ZNF385D: variants seen among roughly 807,000 people sequenced by gnomAD.
The protein encoded by ZNF385D is zinc finger protein 385D.
In ZNF385D, 15 loss-of-function variants were observed where a neutral mutation model predicts 35.8. The ratio of observed to expected loss-of-function variants is 0.42; its 90% CI spans 0.28 to 0.64. ZNF385D has a LOEUF of 0.64. Ranked by LOEUF, ZNF385D falls within the 30% of genes least tolerant of loss-of-function variation. The pLI is 0.23. For missense variants in ZNF385D, 474 were observed against 494.6 expected (o/e 0.96, Z 0.39); for synonymous variants, 212 against 186.8 (o/e 1.13, Z -1.10).
intron 1 of ZNF385D, among the ~76,000 whole-genome samples, chr3:21,714,349 A>T (rs1474765564): frequency 6.6e-6 from 1 of 152,106 alleles, no homozygotes; most frequent in Admixed American, 6.5e-5. Flanking sequence ...GAAACCTCCA[A>T]CACCTCTTTC....
At chr3:22,151,149 T>A (rs1016410450) in intron 3 of ZNF385D, among the ~76,000 whole-genome samples, 2 of 152,172 alleles carry the variant, frequency 1.3e-5, no homozygotes, top group Non-Finnish European at 2.9e-5. Flanking sequence ...ACATCACACA[T>A]CATTTCTACT....
intron 3 of ZNF385D, among the ~76,000 whole-genome samples, chr3:21,785,897 A>C (rs1004296265): frequency 1.1e-4 from 16 of 152,200 alleles, no homozygotes; most frequent in African/African-American, 3.9e-4. Context: ...GCAATCACAT[A>C]AACTCAATAC....
chr3:21,961,949 G>T (rs971957216), intron 3 of ZNF385D, among the ~76,000 whole-genome samples: 5 of 152,102 alleles, frequency 3.3e-5, no homozygotes, highest in African/African-American at 1.2e-4. Context: ...ACCGCAAAAA[G>T]AAGTGACATG....
chr3:22,240,127 G>A (rs1245120810), intron 2 of ZNF385D, among the ~76,000 whole-genome samples: 2 of 140,564 alleles, frequency 1.4e-5, no homozygotes, highest in African/African-American at 5.4e-5. Context: ...AGGCTGCAGT[G>A]AGCCATCATC....
At chr3:21,844,317 A>G (rs531430991) in intron 3 of ZNF385D, among the ~76,000 whole-genome samples, 2 of 151,762 alleles carry the variant, frequency 1.3e-5, no homozygotes, top group African/African-American at 4.8e-5. Context: ...AAGGAAATTT[A>G]TCCTCAATTG....
At chr3:22,069,351 A>C (rs1197079572) in intron 3 of ZNF385D, among the ~76,000 whole-genome samples, 1 of 152,190 alleles carries the variant, frequency 6.6e-6, no homozygotes, top group Non-Finnish European at 1.5e-5. Flanking sequence ...GAATAAAACG[A>C]ATATGAGAAG....
chr3:21,923,810 A>G (rs1700592939), intron 3 of ZNF385D, among the ~76,000 whole-genome samples: 1 of 152,190 alleles, frequency 6.6e-6, no homozygotes, highest in Admixed American at 6.5e-5. Context: ...TTGGGTATTC[A>G]TGGACATAAA....
intron 1 of ZNF385D, among the ~76,000 whole-genome samples, chr3:21,692,298 T>C (rs919962337): frequency 6.6e-6 from 1 of 152,174 alleles, no homozygotes; most frequent in Non-Finnish European, 1.5e-5. Context: ...TCTGGCTTTA[T>C]ATTTCTGGCT....
rs141964019 is a variant in ZNF385D, at chr3:22,017,335, T to C, written c.325+151482A>G. Among the ~76,000 whole-genome samples, 618 of 152,170 alleles carry C rather than the reference T, an allele frequency of 4.1e-3. 2 individuals carry two copies. Among genetic ancestry groups the C allele is most frequent in the African/African-American group, 0.014 (587 of 41,554 alleles). On this transcript the variant is annotated intron_variant, in intron 3 of 5. Transcript: ENST00000494108. ...ATTTCTCAAATAAGATTTTATTTTATATTAGCAATGCTATACCACTGTTCT... is the reference window on the plus strand; with the variant it reads ...ATTTCTCAAATAAGATTTTATTTTACATTAGCAATGCTATACCACTGTTCT...
At chr3:21,594,546 G>A (rs894756727) in intron 2 of ZNF385D, among the ~76,000 whole-genome samples, 3 of 152,124 alleles carry the variant, frequency 2.0e-5, no homozygotes, top group East Asian at 1.9e-4. Context: ...GCCCGGAAAG[G>A]TGCACAGATA....
chr3:21,854,619 T>C (rs1184004771), intron 3 of ZNF385D, among the ~76,000 whole-genome samples: 1 of 152,000 alleles, frequency 6.6e-6, no homozygotes, highest in East Asian at 1.9e-4. Context: ...GCTGTACCTG[T>C]AGCAGCATCT....
chr3:21,979,438 G>A (rs772086983), intron 3 of ZNF385D, among the ~76,000 whole-genome samples: 1 of 152,138 alleles, frequency 6.6e-6, no homozygotes, highest in East Asian at 1.9e-4. Context: ...CAGCTAGTTA[G>A]CCACTAAGCT....
intron 2 of ZNF385D, among the ~76,000 whole-genome samples, chr3:22,236,297 A>G (rs564830241): frequency 6.6e-6 from 1 of 152,258 alleles, no homozygotes; most frequent in South Asian, 2.1e-4. Context: ...GTTATTGATG[A>G]TAATTATCAC....
intron 3 of ZNF385D, among the ~76,000 whole-genome samples, chr3:21,864,713 C>G (rs927775493): frequency 6.6e-6 from 1 of 152,092 alleles, no homozygotes; most frequent in Non-Finnish European, 1.5e-5. Flanking sequence ...CTGAAGATAA[C>G]TACAAAGCTC....
Position 21,420,328 on chromosome 3 carries a change from T to C in ZNF385D, c.*886A>G, listed in dbSNP as rs921947486. 29 of 152,246 alleles carry C rather than the reference T, an allele frequency of 1.9e-4. 1 individual carries two copies. The highest frequency in any genetic ancestry group is 3.4e-3 in the Middle Eastern group (1 of 292). 9.4% of individuals were successfully genotyped at this position (152,246 alleles called of 1,614,324 possible). ...ATTCTTCATCCTTGAAATAGAAGAG[T>C]TGTATTGATTTCTTTCTTAACACTC... On this transcript the variant is annotated 3_prime_UTR_variant, in exon 8 of 8. Coordinates refer to ENST00000281523, the MANE Select transcript of ZNF385D (RefSeq NM_024697.3).
chr3:22,242,391 C>T (rs568693579), intron 2 of ZNF385D, among the ~76,000 whole-genome samples: 9 of 150,894 alleles, frequency 6.0e-5, no homozygotes, highest in Non-Finnish European at 1.3e-4. Context: ...CAAACATCAC[C>T]TTAACCAAAC....
intron 2 of ZNF385D, among the ~76,000 whole-genome samples, chr3:22,306,287 G>C (rs1444277075): frequency 2.0e-5 from 3 of 151,924 alleles, no homozygotes; most frequent in African/African-American, 7.2e-5. Flanking sequence ...TCAGACTCTT[G>C]TCTAATGGAT....
intron 3 of ZNF385D, among the ~76,000 whole-genome samples, chr3:21,952,625 T>C (rs1317624335): frequency 2.0e-5 from 3 of 151,994 alleles, no homozygotes; most frequent in Non-Finnish European, 4.4e-5. Flanking sequence ...AAAGTGGTTG[T>C]GATAATTAAA....
chr3:21,582,027 C>A, intron 2 of ZNF385D, among the ~76,000 whole-genome samples: 1 of 152,094 alleles, frequency 6.6e-6, no homozygotes, highest in Non-Finnish European at 1.5e-5. Context: ...AATTTTGTGG[C>A]CAAATAATTT....
Sources: gnomAD v4.1 joint callset for allele counts (sites outside exome capture counted in the v4.1 genomes callset) on GRCh38, gnomAD v4.1.1 for gene constraint, MANE v1.5 for transcripts, NCBI Gene and HGNC (gene_info 2026-07-23, HGNC 2026-07-21) for gene names.